DPYD: variants seen among roughly 807,000 people sequenced by gnomAD.
DPYD encodes dihydropyrimidine dehydrogenase [NADP(+)].
A neutral mutation model predicts 116.2 loss-of-function variants in DPYD; 109 were observed. That is an observed-to-expected ratio of 0.94 (90% CI 0.80 to 1.10). The LOEUF (loss-of-function observed/expected upper bound fraction) is 1.10. Ranked by LOEUF, DPYD falls within the 50% of genes least tolerant of loss-of-function variation. The pLI, the probability that DPYD is intolerant of heterozygous loss-of-function variation, is 0.00. For synonymous variants in DPYD, 440 were observed against 432.0 expected (o/e 1.02, Z -0.23); for missense variants, 1,302 against 1,254.5 (o/e 1.04, Z -0.57).
chr1:97,858,508 G>A (rs1483595791), intron 2 of DPYD, among the ~76,000 whole-genome samples: 1 of 152,070 alleles, frequency 6.6e-6, no homozygotes, highest in Non-Finnish European at 1.5e-5. Context: ...TCTACTTCCA[G>A]ATATTATAAA....
intron 16 of DPYD, among the ~76,000 whole-genome samples, chr1:97,314,829 C>A (rs1254171154): frequency 6.6e-6 from 1 of 151,944 alleles, no homozygotes; most frequent in East Asian, 1.9e-4. Flanking sequence ...GAGGTACCTG[C>A]CCAAATAAAC....
At chr1:97,796,497 A>G (rs919093451) in intron 3 of DPYD, among the ~76,000 whole-genome samples, 1 of 152,114 alleles carries the variant, frequency 6.6e-6, no homozygotes, top group African/African-American at 2.4e-5. Context: ...AATTATGCCC[A>G]TGAGTTACAT....
chr1:97,630,136 A>C (rs372235337), intron 8 of DPYD, among the ~76,000 whole-genome samples: 11 of 152,042 alleles, frequency 7.2e-5, no homozygotes, highest in African/African-American at 2.4e-4. Context: ...TGCTGTTTAT[A>C]GTTTTTGGCT....
intron 19 of DPYD, among the ~76,000 whole-genome samples, chr1:97,203,672 CCCAAA>C (rs1557935714): frequency 1.7e-5 from 1 of 57,948 alleles, no homozygotes; most frequent in East Asian, 9.8e-4. Context: ...ACCCCCCCCC[CCCAAA>C]AAAAAAAAAA....
chr1:97,780,253 G>A (rs1270797468), intron 3 of DPYD, among the ~76,000 whole-genome samples: 1 of 152,094 alleles, frequency 6.6e-6, no homozygotes, highest in East Asian at 1.9e-4. Context: ...TCATAAATGG[G>A]GAAAAATTAG....
At chr1:97,546,765 T>C in intron 12 of DPYD, 3 of 1,613,194 alleles carry the variant, frequency 1.9e-6, no homozygotes, top group Non-Finnish European at 2.5e-6. Flanking sequence ...ATCAGTATAC[T>C]GTGTTTCTGA....
chr1:97,918,426 A>G (rs765133382), intron 1 of DPYD, among the ~76,000 whole-genome samples: 1 of 152,226 alleles, frequency 6.6e-6, no homozygotes, highest in Non-Finnish European at 1.5e-5. Context: ...AACTTCTATG[A>G]TTACAACAAC....
intron 14 of DPYD, among the ~76,000 whole-genome samples, chr1:97,401,882 T>G: frequency 6.6e-6 from 1 of 152,168 alleles, no homozygotes; most frequent in Non-Finnish European, 1.5e-5. Flanking sequence ...GGTAAATTAC[T>G]ATGTATTCTC....
chr1:97,242,242 C>T (rs1662425233), intron 18 of DPYD, among the ~76,000 whole-genome samples: 1 of 144,032 alleles, frequency 6.9e-6, no homozygotes, highest in African/African-American at 2.5e-5. Context: ...AACAATGTTC[C>T]TGGAAGTATT....
Position 97,305,294 on chromosome 1 carries a change from C to T in DPYD, c.2264G>A (p.Gly755Glu), listed in dbSNP as rs765001324. The T allele has an allele frequency of 1.9e-6, 3 of 1,612,414 alleles. No homozygotes were observed. Among genetic ancestry groups the T allele is most frequent in the East Asian group, 2.2e-5 (1 of 44,780 alleles). ...KSDGTPWPAV[G>E]IAKRTTYGGV... ...TCCATATGTAGTTCGCTTTGCAATC[C>T]CCACTGCTGGCCAAGGTGTGCCATC... Residue 755 changes from glycine to glutamate, a missense_variant, in exon 18 of 23, where the codon GGG becomes GAG. Transcript: ENST00000370192.
At chr1:97,471,762 G>A (rs1455506343) in intron 13 of DPYD, among the ~76,000 whole-genome samples, 4 of 151,920 alleles carry the variant, frequency 2.6e-5, no homozygotes, top group Non-Finnish European at 4.4e-5. Context: ...GCTAATTTTT[G>A]TATTTTTAGT....
Position 97,515,908 on chromosome 1 carries a change from C to G in DPYD, c.1558G>C (p.Glu520Gln), listed in dbSNP as rs980780860. The change falls in exon 13 of 23, where the codon GAA (glutamate) becomes CAA (glutamine). Residue 520 changes from glutamate to glutamine, a missense_variant. By Grantham distance (29) the Glu-to-Gln change is conservative. Transcript: ENST00000370192. The stretch of plus-strand genomic sequence containing the variant: ...ATAGGAGTGTAAAAGAGGGGTAGTT[C>G]AGGCTTGGCAGAAACGGAAGCTCCA... The part of the protein sequence containing the change: ...QYGASVSAKP[E>Q]LPLFYTPIDL... The G allele has an allele frequency of 6.2e-6, 10 of 1,612,708 alleles. No homozygotes were observed. Among genetic ancestry groups the G allele is most frequent in the Non-Finnish European group, 8.5e-6 (10 of 1,179,142 alleles).
intron 20 of DPYD, among the ~76,000 whole-genome samples, chr1:97,100,021 T>C (rs1325810742): frequency 6.6e-6 from 1 of 152,078 alleles, no homozygotes; most frequent in Non-Finnish European, 1.5e-5. Flanking sequence ...CTAATTTATA[T>C]ACAATGAGAC....
chr1:97,155,734 C>A (rs536470550), intron 20 of DPYD, among the ~76,000 whole-genome samples: 24 of 152,042 alleles, frequency 1.6e-4, no homozygotes, highest in Admixed American at 4.6e-4. Flanking sequence ...TGCTAGTTAT[C>A]TTTTTTCTGA....
At chr1:97,323,521 TAC>T (rs200405859) in intron 16 of DPYD, among the ~76,000 whole-genome samples, 5,603 of 80,564 alleles carry the variant, frequency 0.07, 498 homozygotes, top group African/African-American at 0.11. Context: ...TGTGTATATA[TAC>T]ACATATATAT....
At chr1:97,314,188 T>C (rs1002739528) in intron 16 of DPYD, among the ~76,000 whole-genome samples, 7 of 151,896 alleles carry the variant, frequency 4.6e-5, no homozygotes, top group African/African-American at 9.7e-5. Context: ...AGGCTGACCA[T>C]GATCCTTTCT....
At chr1:97,519,274 G>T (rs767970046) in intron 12 of DPYD, among the ~76,000 whole-genome samples, 17 of 152,126 alleles carry the variant, frequency 1.1e-4, no homozygotes, top group Non-Finnish European at 2.1e-4. Context: ...GCAAGGAGGA[G>T]CAAGTCACAT....
chr1:97,721,406 C>A (rs1008292028), intron 5 of DPYD, 104 bp downstream of exon 5: 4 of 1,390,374 alleles, frequency 2.9e-6, no homozygotes, highest in African/African-American at 2.9e-5. Flanking sequence ...GTGTGTCACA[C>A]TAAAAATGTT....
chr1:97,876,013 G>T (rs1671895777), intron 2 of DPYD, among the ~76,000 whole-genome samples: 1 of 151,988 alleles, frequency 6.6e-6, no homozygotes, highest in Non-Finnish European at 1.5e-5. Context: ...TAGGCAAACT[G>T]ATCTCTTTAT....
Sources: gnomAD v4.1 joint callset for allele counts (sites outside exome capture counted in the v4.1 genomes callset) on GRCh38, gnomAD v4.1.1 for gene constraint, MANE v1.5 for transcripts, NCBI Gene and HGNC (gene_info 2026-07-23, HGNC 2026-07-21) for gene names.